The following FERMT1 variants were observed in gnomAD, a reference collection of about 807,000 sequenced individuals.
FERMT1 encodes the protein fermitin family homolog 1.
In FERMT1, 60 loss-of-function variants were observed where a neutral mutation model predicts 85.3. The observed-to-expected ratio is 0.70, with a 90% confidence interval of 0.57 to 0.87. FERMT1 has a LOEUF of 0.87. Ranked by LOEUF, FERMT1 falls within the 40% of genes least tolerant of loss-of-function variation. The probability of loss-of-function intolerance (pLI) is 0.00; values close to 1 mark genes in which losing one functional copy is unlikely to be tolerated. For missense variants in FERMT1, 701 were observed against 818.9 expected, an observed-to-expected ratio of 0.86 and a Z score of 1.76; for synonymous variants, 275 against 301.1, an observed-to-expected ratio of 0.91 and a Z score of 0.90.
At chr20:6,092,775 G>A (rs768567210) in intron 9 of FERMT1, among the ~76,000 whole-genome samples, 2 of 152,126 alleles carry the variant, frequency 1.3e-5, no homozygotes, top group Admixed American at 6.6e-5. Context: ...AGGACTGAAA[G>A]GTTCATCTTC....
intron 11 of FERMT1, 43 bp from the exon 12 acceptor site, chr20:6,085,330 C>A: frequency 1.3e-6 from 2 of 1,560,564 alleles, no homozygotes; most frequent in Non-Finnish European, 1.8e-6. Context: ...AAGTGCAAAG[C>A]CCCCTGCTGC....
chr20:6,074,869 T>G lies in FERMT1; in HGVS notation c.*2304A>C, dbSNP rs796439085. The G allele has an allele frequency of 6.6e-6, 1 of 152,226 alleles. No individual in the cohort carries two copies. The highest frequency in any genetic ancestry group is 2.1e-4 in the South Asian group (1 of 4,828). The allele number at this position is 152,226 out of a possible 1,614,324, so 9.4% of individuals were successfully genotyped here. On this transcript the variant is annotated 3_prime_UTR_variant, in exon 15 of 15. Coordinates refer to ENST00000217289, the MANE Select transcript of FERMT1 (RefSeq NM_017671.5). ...CTCAAATCCATATAAATCTTTTACTTAAAAGTCATATAAAAGAATAAAAAA... is the reference window on the plus strand; with the variant it reads ...CTCAAATCCATATAAATCTTTTACTGAAAAGTCATATAAAAGAATAAAAAA...
intron 6 of FERMT1, among the ~76,000 whole-genome samples, chr20:6,103,267 ATTCT>A (rs1486722783): frequency 1.3e-5 from 2 of 152,196 alleles, no homozygotes; most frequent in African/African-American, 4.8e-5. Context: ...GAGCTGATTC[ATTCT>A]TTTTAAAAAC....
At chr20:6,098,532 C>T (rs1326569293) in intron 6 of FERMT1, among the ~76,000 whole-genome samples, 1 of 151,434 alleles carries the variant, frequency 6.6e-6, no homozygotes, top group Admixed American at 6.6e-5. Flanking sequence ...AAAGCCTTAT[C>T]TAGAAACAGA....
intron 3 of FERMT1, among the ~76,000 whole-genome samples, chr20:6,112,836 T>A (rs555606772): frequency 6.6e-6 from 1 of 152,166 alleles, no homozygotes; most frequent in Non-Finnish European, 1.5e-5. Context: ...GGAGATTCAG[T>A]CTAGTGAAAT....
chr20:6,098,705 A>C (rs766182622), intron 6 of FERMT1, among the ~76,000 whole-genome samples: 7 of 152,194 alleles, frequency 4.6e-5, no homozygotes, highest in Non-Finnish European at 7.4e-5. Context: ...ACTTTACACT[A>C]TCCAAAAATA....
chr20:6,114,471 A>C (rs1445818029), intron 3 of FERMT1, among the ~76,000 whole-genome samples: 6 of 152,180 alleles, frequency 3.9e-5, no homozygotes, highest in Non-Finnish European at 8.8e-5. Context: ...AAAACTTTAC[A>C]TTTTTGGTAT....
At chr20:6,096,801 T>TTTAAA in intron 8 of FERMT1, 101 bp downstream of exon 8, 3 of 925,436 alleles carry the variant, frequency 3.2e-6, no homozygotes, top group Non-Finnish European at 3.1e-6. Flanking sequence ...TTTTTTTTTT[T>TTTAAA]CAAAATCAGA....
At chr20:6,120,779 C>T (rs1983251202) in intron 1 of FERMT1, among the ~76,000 whole-genome samples, 1 of 152,126 alleles carries the variant, frequency 6.6e-6, no homozygotes, top group African/African-American at 2.4e-5. Flanking sequence ...TATTAAAATG[C>T]AGATTCTATT....
At chr20:6,112,204 T>C (rs1982970620) in intron 4 of FERMT1, among the ~76,000 whole-genome samples, 1 of 152,116 alleles carries the variant, frequency 6.6e-6, no homozygotes, top group African/African-American at 2.4e-5. Flanking sequence ...TATCACTCTT[T>C]TATCCCAAAT....
At chr20:6,112,429 G>C in intron 4 of FERMT1, 48 bp downstream of exon 4, 1 of 1,586,870 alleles carries the variant, frequency 6.3e-7, no homozygotes, top group Non-Finnish European at 8.7e-7. Flanking sequence ...TTTCTCTCTT[G>C]AGTTTTACTG....
At chr20:6,111,010 C>G (rs994378211) in intron 4 of FERMT1, among the ~76,000 whole-genome samples, 37 of 152,168 alleles carry the variant, frequency 2.4e-4, no homozygotes, top group African/African-American at 8.4e-4. Flanking sequence ...GATCCTGGCT[C>G]ACTGCAACCT....
At chr20:6,091,441 A>G (rs1477198325) in intron 9 of FERMT1, among the ~76,000 whole-genome samples, 5 of 151,708 alleles carry the variant, frequency 3.3e-5, no homozygotes, top group Admixed American at 6.6e-5. Flanking sequence ...TGTTGGCTAG[A>G]CTGGTCTTGA....
At chr20:6,107,703 C>A in intron 5 of FERMT1, 69 bp from the exon 6 acceptor site, 2 of 770,238 alleles carry the variant, frequency 2.6e-6, no homozygotes, top group Non-Finnish European at 4.5e-6. Flanking sequence ...ATTATTATGT[C>A]ATATATTATA....
chr20:6,080,682 G>A (rs1360476901), intron 13 of FERMT1, among the ~76,000 whole-genome samples: 1 of 152,218 alleles, frequency 6.6e-6, no homozygotes, highest in Non-Finnish European at 1.5e-5. Flanking sequence ...GGATGTTGGT[G>A]TAAGAGAAAG....
At chr20:6,088,509 G>A (rs1333995435) in intron 10 of FERMT1, among the ~76,000 whole-genome samples, 2 of 152,154 alleles carry the variant, frequency 1.3e-5, no homozygotes, top group Non-Finnish European at 2.9e-5. Context: ...ATGCTTGGAA[G>A]AGCAGCTGCA....
chr20:6,088,665 A>G (rs543702796), intron 10 of FERMT1, among the ~76,000 whole-genome samples: 9 of 135,810 alleles, frequency 6.6e-5, no homozygotes, highest in Non-Finnish European at 1.1e-4. Context: ...GTCTCACTCT[A>G]TCACCCAGGC....
At chr20:6,107,164 C>T (rs890021040) in intron 6 of FERMT1, among the ~76,000 whole-genome samples, 2 of 148,538 alleles carry the variant, frequency 1.3e-5, no homozygotes, top group African/African-American at 5.0e-5. Context: ...CCACTGCACT[C>T]CAGCCTGGGT....
intron 4 of FERMT1, among the ~76,000 whole-genome samples, chr20:6,111,642 A>G (rs1178219306): frequency 1.4e-5 from 2 of 138,234 alleles, no homozygotes; most frequent in Admixed American, 1.5e-4. Context: ...AAAAAACAAA[A>G]CAAAACAAAC....
Sources: allele counts gnomAD v4.1 joint callset (sites outside exome capture counted in the v4.1 genomes callset), GRCh38; gene constraint gnomAD v4.1.1; transcripts MANE v1.5; gene names NCBI Gene and HGNC (gene_info 2026-07-23, HGNC 2026-07-21).